CFAP299: variants seen among roughly 807,000 people sequenced by gnomAD.
CFAP299 encodes the protein cilia- and flagella-associated protein 299.
A neutral mutation model predicts 27.0 loss-of-function variants in CFAP299; 21 were observed. The ratio of observed to expected loss-of-function variants is 0.78; its 90% CI spans 0.55 to 1.12. The LOEUF is 1.12. CFAP299 is among the 50% of genes most tolerant of loss of function. The pLI, the probability that CFAP299 is intolerant of heterozygous loss-of-function variation, is 0.00. For missense variants in CFAP299, 310 were observed against 276.6 expected (o/e 1.12, Z -0.86); for synonymous variants, 104 against 98.1 (o/e 1.06, Z -0.36).
chr4:80,411,641 A>C (rs1358256779), intron 2 of CFAP299, among the ~76,000 whole-genome samples: 1 of 152,038 alleles, frequency 6.6e-6, no homozygotes, highest in Non-Finnish European at 1.5e-5. Flanking sequence ...TGTTAGTAAA[A>C]ATGTGAATTC....
intron 3 of CFAP299, among the ~76,000 whole-genome samples, chr4:80,625,340 T>C (rs1738830445): frequency 6.6e-6 from 1 of 151,986 alleles, no homozygotes; most frequent in African/African-American, 2.4e-5. Flanking sequence ...GTTATATTTT[T>C]TGTAGGTCAT....
chr4:80,790,504 A>C (rs886268059), intron 3 of CFAP299: 3 of 152,006 alleles, frequency 2.0e-5, no homozygotes, highest in Non-Finnish European at 2.9e-5. Context: ...GGACAATTAC[A>C]TCATGACGGT....
intron 3 of CFAP299, among the ~76,000 whole-genome samples, chr4:80,688,638 ATCC>A (rs1443167709): frequency 1.3e-5 from 2 of 152,238 alleles, no homozygotes; most frequent in South Asian, 2.1e-4. Context: ...CACAGCACCT[ATCC>A]TCCTCCAAAG....
chr4:80,540,491 T>C (rs372395022), intron 2 of CFAP299, among the ~76,000 whole-genome samples: 2 of 152,212 alleles, frequency 1.3e-5, no homozygotes, highest in South Asian at 2.1e-4. Flanking sequence ...GCTTGTAAAC[T>C]ACAATGATAA....
At chr4:80,518,680 T>G (rs2110171855) in intron 2 of CFAP299, among the ~76,000 whole-genome samples, 1 of 152,220 alleles carries the variant, frequency 6.6e-6, no homozygotes, top group East Asian at 1.9e-4. Flanking sequence ...TGAACAAGCT[T>G]CTATGTTGGG....
At chr4:80,536,439 G>A (rs1258610682) in intron 2 of CFAP299, among the ~76,000 whole-genome samples, 1 of 152,090 alleles carries the variant, frequency 6.6e-6, no homozygotes, top group Non-Finnish European at 1.5e-5. Context: ...AAAGCTGGAG[G>A]CGTCACATTA....
chr4:80,419,296 C>T (rs1432294070), intron 2 of CFAP299, among the ~76,000 whole-genome samples: 1 of 152,164 alleles, frequency 6.6e-6, no homozygotes, highest in Non-Finnish European at 1.5e-5. Flanking sequence ...TTCCTTCTCC[C>T]CTGATTCTTC....
In CFAP299 at chr4:80,413,750, C is replaced by CTTTTTTTTTT. The variant is rs66780627; in HGVS notation, c.242+50874_242+50883dup. Among the ~76,000 whole-genome samples, 74 of 108,276 alleles carry CTTTTTTTTTT rather than the reference C, an allele frequency of 6.8e-4. 1 individual carries two copies. The highest frequency in any genetic ancestry group is 1.2e-3 in the East Asian group (4 of 3,390). 71.0% of individuals were successfully genotyped at this position (108,276 alleles called of 152,430 possible). A position where few individuals can be genotyped will look rare whatever the true frequency, so the allele number is the denominator to read the frequency against. On this transcript the variant is annotated intron_variant, in intron 2 of 5. Transcript: ENST00000358105. ...CATTTGTCTGTATGTTTGTGTCATTCTTTTTTTTTTTTTTTTTGCTTTTAA... is the reference window on the plus strand; with the variant it reads ...CATTTGTCTGTATGTTTGTGTCATTCTTTTTTTTTTTTTTTTTTTTTTTTTTTGCTTTTAA...
the CFAP299 span, among the ~76,000 whole-genome samples, chr4:80,322,241 C>T: frequency 1.3e-5 from 2 of 152,182 alleles, no homozygotes; most frequent in South Asian, 2.1e-4. Context: ...CATCTGCAGC[C>T]GAGCTGCTAA....
chr4:80,938,898 G>T (rs371159324), intron 4 of CFAP299, among the ~76,000 whole-genome samples: 3 of 152,080 alleles, frequency 2.0e-5, no homozygotes, highest in African/African-American at 7.2e-5. Flanking sequence ...ATTTTTTATG[G>T]ATAGCTTTGC....
chr4:80,391,468 G>A (rs1725478235), intron 2 of CFAP299, among the ~76,000 whole-genome samples: 1 of 152,072 alleles, frequency 6.6e-6, no homozygotes. Flanking sequence ...CTGATGACTA[G>A]TGATGTTGAG....
At chr4:80,613,373 T>C (rs1021368208) in intron 3 of CFAP299, among the ~76,000 whole-genome samples, 18 of 152,270 alleles carry the variant, frequency 1.2e-4, no homozygotes, top group African/African-American at 4.3e-4. Context: ...ATTATTTTAC[T>C]GAATGATTTA....
intron 3 of CFAP299, among the ~76,000 whole-genome samples, chr4:80,808,893 C>T (rs144583339): frequency 6.6e-6 from 1 of 152,132 alleles, no homozygotes; most frequent in African/African-American, 2.4e-5. Context: ...CTGACTTATG[C>T]CTCACATAAG....
rs1723615928 is a variant in CFAP299, at chr4:80,362,734, A to G, written c.112-20A>G. On this transcript the variant is annotated intron_variant, in intron 1 of 5. Transcript: ENST00000358105. Reference sequence around the variant, plus strand: ...TATGTCTCATTTGCCCACTCACCTAACAACTGATTTTCTCTCTAGGATGAA... The same window carrying G: ...TATGTCTCATTTGCCCACTCACCTAGCAACTGATTTTCTCTCTAGGATGAA... The G allele has an allele frequency of 1.3e-6, 2 of 1,586,072 alleles. No individual in the cohort carries two copies. The highest frequency in any genetic ancestry group is 2.7e-5 in the African/African-American group (2 of 73,518).
chr4:80,835,497 T>G (rs1381946387), intron 3 of CFAP299, among the ~76,000 whole-genome samples: 1 of 151,704 alleles, frequency 6.6e-6, no homozygotes, highest in African/African-American at 2.4e-5. Flanking sequence ...AAAAAAAGAT[T>G]ATTATGAGCA....
chr4:80,803,182 G>C (rs535719362), intron 3 of CFAP299, among the ~76,000 whole-genome samples: 1 of 152,096 alleles, frequency 6.6e-6, no homozygotes, highest in African/African-American at 2.4e-5. Flanking sequence ...ATCTAGGCTT[G>C]TGGGAGAATT....
chr4:80,590,375 A>G (rs1010802211), intron 3 of CFAP299, among the ~76,000 whole-genome samples: 7 of 152,196 alleles, frequency 4.6e-5, no homozygotes, highest in Non-Finnish European at 7.4e-5. Context: ...ACAGTGGCTC[A>G]TGCCTGTAAT....
chr4:80,618,458 T>TA (rs1210265802), intron 3 of CFAP299, among the ~76,000 whole-genome samples: 1 of 152,098 alleles, frequency 6.6e-6, no homozygotes, highest in Non-Finnish European at 1.5e-5. Flanking sequence ...CAGGTATTCT[T>TA]ATAATCAAAA....
chr4:80,823,358 C>G (rs1378251068), intron 3 of CFAP299, among the ~76,000 whole-genome samples: 1 of 152,124 alleles, frequency 6.6e-6, no homozygotes, highest in African/African-American at 2.4e-5. Flanking sequence ...GAAAGTACAG[C>G]ATTTCCCCCA....
Sources: allele counts gnomAD v4.1 joint callset (sites outside exome capture counted in the v4.1 genomes callset), GRCh38; gene constraint gnomAD v4.1.1; transcripts MANE v1.5; gene names NCBI Gene and HGNC (gene_info 2026-07-23, HGNC 2026-07-21).